The following SNX1 variants were observed in gnomAD, a reference collection of about 807,000 sequenced individuals.
The protein encoded by SNX1 is sorting nexin 1, also known as sorting nexin-1.
A neutral mutation model predicts 71.8 loss-of-function variants in SNX1; 36 were observed. The observed-to-expected ratio is 0.50, with a 90% CI of 0.38 to 0.66. The LOEUF (loss-of-function observed/expected upper bound fraction) is 0.66, where lower values mean the gene tolerates loss of function less well. Ranked by LOEUF, SNX1 falls within the 30% of genes least tolerant of loss-of-function variation. The pLI is 0.00. For synonymous variants in SNX1, 254 were observed against 240.7 expected, an observed-to-expected ratio of 1.06 and a Z score of -0.51; for missense variants, 612 against 646.7, an observed-to-expected ratio of 0.95 and a Z score of 0.58.
intron 5 of SNX1, among the ~76,000 whole-genome samples, chr15:64,124,506 C>CAAAA (rs61561795): frequency 3.1e-5 from 2 of 64,088 alleles, no homozygotes; most frequent in African/African-American, 9.3e-5. Flanking sequence ...GACTCTGTCT[C>CAAAA]AAAAAAAAAA....
chr15:64,100,604 C>CAAAAAAAA (rs34663775), intron 1 of SNX1, among the ~76,000 whole-genome samples: 13 of 102,562 alleles, frequency 1.3e-4, no homozygotes, highest in African/African-American at 6.5e-4. Context: ...AACTCCATCT[C>CAAAAAAAA]AAAAAAAAAA....
At chr15:64,135,036 C>A in intron 12 of SNX1, 2 of 535,748 alleles carry the variant, frequency 3.7e-6, no homozygotes, top group Non-Finnish European at 6.4e-6. Context: ...ATCTCTGGCC[C>A]GGCATGGTGG....
intron 1 of SNX1, among the ~76,000 whole-genome samples, chr15:64,101,907 A>G (rs2080966045): frequency 6.6e-6 from 1 of 152,238 alleles, no homozygotes; most frequent in African/African-American, 2.4e-5. Context: ...TGTTTACAGC[A>G]CAAAGAAATG....
Position 64,116,873 on chromosome 15 carries a change from G to A in SNX1, c.272-1244G>A, listed in dbSNP as rs558750382. On this transcript the variant is annotated intron_variant, in intron 2 of 14. Transcript: ENST00000559844. ...CTCTGGAACACTGAGGGAATGAGTC[G>A]TTCTGTTCAACTGAGTACTCCCCAG... Among the ~76,000 whole-genome samples the A allele has an allele frequency of 3.9e-5, 6 of 152,226 alleles. No homozygotes were observed. The East Asian group carries it at 9.6e-4, about 24-fold the overall frequency.
intron 1 of SNX1, among the ~76,000 whole-genome samples, chr15:64,112,271 G>T (rs559144222): frequency 6.6e-6 from 1 of 152,308 alleles, no homozygotes; most frequent in East Asian, 1.9e-4. Flanking sequence ...CTGAGAAAGA[G>T]AAATACATTT....
chr15:64,123,772 T>G (rs1253203530), intron 5 of SNX1, among the ~76,000 whole-genome samples: 2 of 152,190 alleles, frequency 1.3e-5, no homozygotes, highest in African/African-American at 4.8e-5. Flanking sequence ...GTGATTCTAT[T>G]AACTCGTGGT....
intron 5 of SNX1, among the ~76,000 whole-genome samples, chr15:64,124,147 CATATATAT>C (rs10523424): frequency 0.018 from 1,944 of 105,380 alleles, 122 homozygotes; most frequent in Admixed American, 0.11. Context: ...GAAATCTTTA[CATATATAT>C]ATATATATAT....
chr15:64,127,119 A>G, intron 6 of SNX1, 55 bp from the exon 7 acceptor site: 1 of 1,355,774 alleles, frequency 7.4e-7, no homozygotes. Context: ...AAAAAAAAAG[A>G]TTTATCCTCT....
intron 2 of SNX1, among the ~76,000 whole-genome samples, chr15:64,116,474 G>C (rs1435051462): frequency 6.6e-6 from 1 of 152,324 alleles, no homozygotes; most frequent in South Asian, 2.1e-4. Flanking sequence ...ATAGGGATCA[G>C]ATTTCATTTC....
In SNX1 at chr15:64,137,727, C is replaced by A; in HGVS notation, c.*109C>A. 2 of 1,556,216 alleles carry A rather than the reference C, an allele frequency of 1.3e-6. No homozygotes were observed. Among genetic ancestry groups the A allele is most frequent in the South Asian group, 1.2e-5 (1 of 85,562 alleles). On this transcript the variant is annotated 3_prime_UTR_variant, in exon 15 of 15. Coordinates refer to ENST00000559844, the MANE Select transcript of SNX1 (RefSeq NM_003099.5). ...GCATCCTGCCTAGGCTGGACTTAACCCCTTCCTCCCTGTCCCCACGACCAA... is the reference window on the plus strand; with the variant it reads ...GCATCCTGCCTAGGCTGGACTTAACACCTTCCTCCCTGTCCCCACGACCAA...
rs2081342086 is a variant in SNX1, at chr15:64,134,878, C to T, written c.1365+71C>T. The stretch of plus-strand genomic sequence containing the variant: ...AAATGAACCCAGGGCCCATCCCACC[C>T]AGAGGTTTGGAACCCCACAGGGGGA... On this transcript the variant is annotated intron_variant, in intron 12 of 14. Transcript: ENST00000559844. The surrounding 1 kb of genome is among the most constrained non-coding windows in gnomAD (Gnocchi z 4.1). The T allele has an allele frequency of 8.9e-6, 14 of 1,575,002 alleles. No homozygotes were observed. The highest frequency in any genetic ancestry group is 1.1e-5 in the Non-Finnish European group (13 of 1,159,362).
At chr15:64,112,966 G>A (rs2081092550) in intron 2 of SNX1, among the ~76,000 whole-genome samples, 1 of 152,180 alleles carries the variant, frequency 6.6e-6, no homozygotes, top group African/African-American at 2.4e-5. Context: ...CTAAGTCACA[G>A]GAGCTCAGAG....
At chr15:64,123,660 T>A (rs1161136548) in intron 5 of SNX1, 114 bp downstream of exon 5, 19 of 874,318 alleles carry the variant, frequency 2.2e-5, no homozygotes, top group Non-Finnish European at 3.4e-5. Flanking sequence ...AACATCTTCA[T>A]GTTTACTCAA....
chr15:64,131,757 A>G lies in SNX1; in HGVS notation c.1086A>G (p.Ala362=). ...TTGGGAGCTCTGAGGACAACACGGCATTGTCACGGGCACTCTCCCAGCTGG... is the reference window on the plus strand; with the variant it reads ...TTGGGAGCTCTGAGGACAACACGGCGTTGTCACGGGCACTCTCCCAGCTGG... ...AMLGSSEDNT[A]LSRALSQLAE... Residue 362 remains alanine, a synonymous_variant, in exon 11 of 15, where the codon GCA becomes GCG. Transcript: ENST00000559844. 1 of 1,614,212 alleles carries G rather than the reference A, an allele frequency of 6.2e-7. No individual in the cohort carries two copies. The highest frequency in any genetic ancestry group is 8.5e-7 in the Non-Finnish European group (1 of 1,180,046).
chr15:64,106,890 T>C (rs1253841910), intron 1 of SNX1, among the ~76,000 whole-genome samples: 3 of 152,232 alleles, frequency 2.0e-5, no homozygotes, highest in African/African-American at 7.2e-5. Context: ...TTTTCAGAAC[T>C]GTAAGATAAT....
chr15:64,117,970 C>T (rs1440204645), intron 2 of SNX1, 147 bp from the exon 3 acceptor site: 5 of 710,352 alleles, frequency 7.0e-6, no homozygotes, highest in African/African-American at 3.7e-5. Context: ...CCCCTTTTCT[C>T]CTTGTAAACA....
In SNX1 at chr15:64,137,635, G is replaced by A. The variant is rs200693340; in HGVS notation, c.*17G>A. On this transcript the variant is annotated 3_prime_UTR_variant, in exon 15 of 15. Coordinates refer to ENST00000559844, the MANE Select transcript of SNX1 (RefSeq NM_003099.5). ...ATCTCCTAATGGACCAAGGACCCCA[G>A]AGCCCACCTGTGTGACGCTGCCTTT... The A allele has an allele frequency of 5.4e-4, 868 of 1,614,030 alleles. 10 individuals are homozygous for A. Among genetic ancestry groups the A allele is most frequent in the Middle Eastern group, 4.9e-4 (3 of 6,084 alleles).
intron 1 of SNX1, chr15:64,111,419 A>G (rs1382417395): frequency 6.6e-6 from 1 of 152,146 alleles, no homozygotes; most frequent in Non-Finnish European, 1.5e-5. Context: ...AAATATTGGT[A>G]TGTTTCTTTT....
chr15:64,096,229 GC>G, intron 1 of SNX1, 57 bp downstream of exon 1: 1 of 1,522,434 alleles, frequency 6.6e-7, no homozygotes, highest in Non-Finnish European at 8.8e-7. Context: ...GGGAAGAGAG[GC>G]TAAGCGAGAA....
Sources: allele counts gnomAD v4.1 joint callset (sites outside exome capture counted in the v4.1 genomes callset), GRCh38; gene constraint gnomAD v4.1.1; non-coding constraint Gnocchi (gnomAD v3.1); transcripts MANE v1.5; gene names NCBI Gene and HGNC (gene_info 2026-07-23, HGNC 2026-07-21).